MARCHF6: variants seen among roughly 807,000 people sequenced by gnomAD.
The protein encoded by MARCHF6 is E3 ubiquitin-protein ligase MARCHF6.
A neutral mutation model predicts 133.7 loss-of-function variants in MARCHF6; 31 were observed. That is an observed-to-expected ratio of 0.23 (90% CI 0.17 to 0.31). MARCHF6 has a LOEUF of 0.31. Among genes scored for constraint, MARCHF6 ranks in the 10% least tolerant of loss-of-function variants. The pLI, the probability that MARCHF6 is intolerant of heterozygous loss-of-function variation, is 1.00. For synonymous variants in MARCHF6, 395 were observed against 402.5 expected, an observed-to-expected ratio of 0.98 and a Z score of 0.22; for missense variants, 723 against 1,121.6, an observed-to-expected ratio of 0.64 and a Z score of 5.08.
At chr5:10,402,985 T>G (rs1306965361) in intron 14 of MARCHF6, among the ~76,000 whole-genome samples, 4 of 152,230 alleles carry the variant, frequency 2.6e-5, no homozygotes, top group African/African-American at 9.6e-5. Flanking sequence ...ATGCTCAGTC[T>G]TGATTATACT....
intron 25 of MARCHF6, among the ~76,000 whole-genome samples, chr5:10,431,043 C>T (rs1398743099): frequency 6.6e-6 from 1 of 152,228 alleles, no homozygotes; most frequent in East Asian, 1.9e-4. Context: ...GTGTCATTAA[C>T]ACTACCCCCT....
intron 1 of MARCHF6, among the ~76,000 whole-genome samples, chr5:10,364,199 TA>T (rs1478596906): frequency 6.6e-6 from 1 of 152,158 alleles, no homozygotes; most frequent in Non-Finnish European, 1.5e-5. Flanking sequence ...CAAGTGTTTG[TA>T]AGGAGGTAGA....
chr5:10,401,820 T>TA, intron 11 of MARCHF6: 1 of 536,222 alleles, frequency 1.9e-6, no homozygotes, highest in Non-Finnish European at 3.3e-6. Flanking sequence ...ACTCTACTGT[T>TA]ATTTTGTCTC....
chr5:10,397,837 A>T (rs911680788), intron 10 of MARCHF6, among the ~76,000 whole-genome samples: 12 of 152,176 alleles, frequency 7.9e-5, no homozygotes, highest in African/African-American at 2.7e-4. Flanking sequence ...CACATACAAA[A>T]TCACTTCCAA....
intron 19 of MARCHF6, among the ~76,000 whole-genome samples, chr5:10,414,046 A>C (rs1739372521): frequency 1.3e-5 from 2 of 152,266 alleles, no homozygotes; most frequent in Admixed American, 1.3e-4. Flanking sequence ...TGCATTGAGC[A>C]GTGCAGATCT....
intron 25 of MARCHF6, among the ~76,000 whole-genome samples, chr5:10,431,236 G>A (rs1485080986): frequency 6.6e-6 from 1 of 152,150 alleles, no homozygotes; most frequent in Admixed American, 6.5e-5. Flanking sequence ...TGAAAGAAGG[G>A]GAAGGGGTAT....
intron 5 of MARCHF6, 93 bp downstream of exon 5, chr5:10,387,159 T>A: frequency 1.0e-6 from 1 of 952,878 alleles, no homozygotes; most frequent in Non-Finnish European, 1.6e-6. Flanking sequence ...TTGTAAATTC[T>A]TTTGTTTTGA....
intron 19 of MARCHF6, 116 bp from the exon 20 acceptor site, chr5:10,414,317 C>A: frequency 1.7e-6 from 1 of 600,558 alleles, no homozygotes; most frequent in Non-Finnish European, 2.9e-6. Context: ...TTGCAGGAAA[C>A]CTGGCAACGC....
At position 10,414,509 on chromosome 5, in the gene MARCHF6, G is replaced by A; in HGVS notation, c.1966+7G>A. 6.2e-7 allele frequency: 1 copy of A among 1,604,662 alleles called. No individual in the cohort carries two copies. Among genetic ancestry groups the A allele is most frequent in the Non-Finnish European group, 8.5e-7 (1 of 1,171,706 alleles). On this transcript the variant is annotated splice_region_variant and intron_variant, in intron 20 of 25. Coordinates refer to ENST00000274140, the MANE Select transcript of MARCHF6 (RefSeq NM_005885.4). ...ATCTGCCTTACTTTACCAGGTATGA[G>A]CTTGTGCTAGCCTTCAGCTAATAGC...
chr5:10,367,094 C>T (rs1238992258), intron 1 of MARCHF6, among the ~76,000 whole-genome samples: 1 of 152,130 alleles, frequency 6.6e-6, no homozygotes, highest in Admixed American at 6.5e-5. Context: ...TTCCAGTAAA[C>T]AGACATTCTA....
chr5:10,354,498 C>T (rs530593094), intron 1 of MARCHF6: 1 of 152,282 alleles, frequency 6.6e-6, no homozygotes, highest in South Asian at 2.1e-4. Context: ...TGTTGCGATC[C>T]ATTTGGTTTT....
Position 10,434,642 on chromosome 5 carries a change from T to C in MARCHF6, c.*958T>C, listed in dbSNP as rs1736907569. ...CTGGATTTAGGACTTCTGAGATGCT[T>C]GTGAAGTATAGATGTGGTTGTGGTC... On this transcript the variant is annotated 3_prime_UTR_variant, in exon 26 of 26. Coordinates refer to ENST00000274140, the MANE Select transcript of MARCHF6 (RefSeq NM_005885.4). 6.6e-6 allele frequency: 1 copy of C among 152,442 alleles called. No homozygotes were observed. The highest frequency in any genetic ancestry group is 1.5e-5 in the Non-Finnish European group (1 of 68,036). The allele number at this position is 152,442 out of a possible 1,614,324, so 9.4% of individuals were successfully genotyped here.
intron 1 of MARCHF6, among the ~76,000 whole-genome samples, chr5:10,374,339 G>A (rs1736641985): frequency 6.6e-6 from 1 of 152,136 alleles, no homozygotes; most frequent in South Asian, 2.1e-4. Context: ...CTTGTTTTTG[G>A]ATCTTAACGT....
chr5:10,395,370 A>C (rs973924660), intron 9 of MARCHF6, among the ~76,000 whole-genome samples: 2 of 152,176 alleles, frequency 1.3e-5, no homozygotes, highest in African/African-American at 4.8e-5. Context: ...TTCATCTTGC[A>C]GTGTTTATTG....
chr5:10,402,439 A>G lies in MARCHF6; in HGVS notation c.1109A>G (p.Tyr370Cys). The change falls in exon 13 of 26, where the codon TAT becomes TGT. Residue 370 changes from tyrosine to cysteine, a missense_variant. Physicochemically the swap from Tyr to Cys is radical, Grantham distance 194 (BLOSUM62 -2). Coordinates refer to ENST00000274140, the MANE Select transcript of MARCHF6 (RefSeq NM_005885.4). ...HRSRRLLGVC[Y>C]IVVKVSLLVV... ...TCTCGTCGCTTACTGGGAGTCTGCTATATTGTTGTTAAGGTAATTCCTGTT... is the reference window on the plus strand; with the variant it reads ...TCTCGTCGCTTACTGGGAGTCTGCTGTATTGTTGTTAAGGTAATTCCTGTT... 1.9e-6 allele frequency: 3 copies of G among 1,613,854 alleles called. No homozygotes were observed. Among genetic ancestry groups the G allele is most frequent in the Non-Finnish European group, 1.7e-6 (2 of 1,179,856 alleles).
chr5:10,422,704 A>G (rs1358922397), intron 22 of MARCHF6, among the ~76,000 whole-genome samples: 3 of 151,966 alleles, frequency 2.0e-5, no homozygotes, highest in Non-Finnish European at 4.4e-5. Context: ...TAGAATAACC[A>G]ATCAAACCAG....
intron 24 of MARCHF6, among the ~76,000 whole-genome samples, chr5:10,427,295 A>C (rs1004208012): frequency 6.6e-6 from 1 of 152,150 alleles, no homozygotes; most frequent in African/African-American, 2.4e-5. Flanking sequence ...ACCTGCCATC[A>C]CTAATTCCTT....
intron 12 of MARCHF6, 58 bp from the exon 13 acceptor site, chr5:10,402,326 A>G: frequency 2.1e-6 from 3 of 1,418,904 alleles, no homozygotes; most frequent in Non-Finnish European, 2.0e-6. Flanking sequence ...TTGGCTAAGT[A>G]GTTACCTGTT....
At chr5:10,363,496 T>A (rs1735948935) in intron 1 of MARCHF6, among the ~76,000 whole-genome samples, 1 of 152,160 alleles carries the variant, frequency 6.6e-6, no homozygotes. Flanking sequence ...CAGGTAAGTG[T>A]TGGTGAGCAT....
Sources: gnomAD v4.1 joint callset for allele counts (sites outside exome capture counted in the v4.1 genomes callset) on GRCh38, gnomAD v4.1.1 for gene constraint, MANE v1.5 for transcripts, NCBI Gene and HGNC (gene_info 2026-07-23, HGNC 2026-07-21) for gene names.